The following MICU3 variants were observed in gnomAD, a reference collection of about 807,000 sequenced individuals.
The protein encoded by MICU3 is mitochondrial calcium uptake 3.
A neutral mutation model predicts 66.5 loss-of-function variants in MICU3; 62 were observed. The ratio of observed to expected loss-of-function variants is 0.93; its 90% CI spans 0.76 to 1.15. The LOEUF is 1.15. MICU3 is among the 50% of genes most tolerant of loss of function. The probability of loss-of-function intolerance (pLI) is 0.00; values close to 1 mark genes in which losing one functional copy is unlikely to be tolerated. For missense variants in MICU3, 779 were observed against 664.4 expected (o/e 1.17, Z -1.90); for synonymous variants, 308 against 240.7 (o/e 1.28, Z -2.59).
At chr8:17,081,631 A>G (rs1314836311) in intron 4 of MICU3, 62 bp from the exon 5 acceptor site, 1 of 453,954 alleles carries the variant, frequency 2.2e-6, no homozygotes, top group Admixed American at 4.6e-5. Context: ...CTCATTATTT[A>G]TAGCATTTAT....
At chr8:17,044,150 G>A (rs192396903) in intron 1 of MICU3, among the ~76,000 whole-genome samples, 3 of 152,284 alleles carry the variant, frequency 2.0e-5, no homozygotes, top group Admixed American at 6.5e-5. Flanking sequence ...TTGGAACATG[G>A]TTAAAGCCGT....
rs908392174 is a variant in MICU3 at position 17,122,478 on chromosome 8, A to G, written c.*2191A>G. On this transcript the variant is annotated 3_prime_UTR_variant, in exon 15 of 15. Coordinates refer to ENST00000318063, the MANE Select transcript of MICU3 (RefSeq NM_181723.3). ...AATTCATATTAAACTTTTTACAGAA[A>G]GCATACATGATAAACAGTTTATGGT... The G allele has an allele frequency of 6.6e-6, 1 of 151,936 alleles. No homozygotes were observed. The highest frequency in any genetic ancestry group is 1.5e-5 in the Non-Finnish European group (1 of 67,786). 9.4% of individuals were successfully genotyped at this position (151,936 alleles called of 1,614,324 possible).
intron 9 of MICU3, among the ~76,000 whole-genome samples, chr8:17,099,368 T>C (rs754368662): frequency 1.3e-5 from 2 of 151,838 alleles, no homozygotes; most frequent in African/African-American, 2.4e-5. Flanking sequence ...TTCTAAACTT[T>C]AAATTTAACT....
intron 11 of MICU3, among the ~76,000 whole-genome samples, chr8:17,112,254 G>T (rs1802273350): frequency 3.7e-4 from 57 of 152,288 alleles, no homozygotes; most frequent in Admixed American, 3.7e-3. Flanking sequence ...TACTCTCAGT[G>T]CATGTATTTT....
intron 11 of MICU3, among the ~76,000 whole-genome samples, chr8:17,112,704 C>T (rs1802314710): frequency 6.6e-6 from 1 of 152,110 alleles, no homozygotes; most frequent in South Asian, 2.1e-4. Flanking sequence ...CATGTCTGCC[C>T]CCCAATATAT....
chr8:17,029,769 C>T (rs1028572256), intron 1 of MICU3, among the ~76,000 whole-genome samples: 6 of 152,092 alleles, frequency 3.9e-5, no homozygotes, highest in Non-Finnish European at 7.3e-5. Context: ...AGAGGCCTTT[C>T]AATATGGAAA....
intron 2 of MICU3, among the ~76,000 whole-genome samples, chr8:17,065,087 G>A (rs1015423845): frequency 6.6e-6 from 1 of 152,110 alleles, no homozygotes; most frequent in African/African-American, 2.4e-5. Flanking sequence ...AGGATACAGT[G>A]TATTTTTTTA....
rs191407342 is a variant in MICU3, at chr8:17,100,400, T to C, written c.984+1847T>C. Among the ~76,000 whole-genome samples the C allele has an allele frequency of 1.3e-4, 19 of 151,798 alleles. 1 individual carries two copies. In the East Asian group the frequency reaches 3.7e-3, roughly 29 times the overall value. On this transcript the variant is annotated intron_variant, in intron 9 of 14. Transcript: ENST00000318063. Reference sequence around the variant, plus strand: ...ACTTATATCGTGTTCCAGAGTAAAATAATTACTTGGGGTTTATCTGTTACT... The same window carrying C: ...ACTTATATCGTGTTCCAGAGTAAAACAATTACTTGGGGTTTATCTGTTACT...
chr8:17,112,059 TG>T (rs35605699), intron 11 of MICU3, among the ~76,000 whole-genome samples: 14,085 of 152,094 alleles, frequency 0.093, 2,222 homozygotes, highest in African/African-American at 0.32. Context: ...GAGAACAGCA[TG>T]GGGTGAACTG....
Position 17,063,511 on chromosome 8 carries a change from A to G in MICU3, c.382-573A>G, listed in dbSNP as rs58967702. ...ATATTATCTACAAGGAAAGGTCTTG[A>G]AGGAAAAGAGACCCCTAAAATTCAG... is the stretch of plus-strand genomic sequence containing the variant. On this transcript the variant is annotated intron_variant, in intron 1 of 14. Coordinates refer to ENST00000318063, the MANE Select transcript of MICU3 (RefSeq NM_181723.3). 4.7e-3 allele frequency among the ~76,000 whole-genome samples: 710 copies of G among 152,262 alleles called. 7 individuals carry two copies. Among genetic ancestry groups the G allele is most frequent in the African/African-American group, 0.016 (660 of 41,554 alleles).
At chr8:17,092,315 C>G (rs1311688554) in intron 8 of MICU3, among the ~76,000 whole-genome samples, 2 of 151,774 alleles carry the variant, frequency 1.3e-5, no homozygotes, top group African/African-American at 4.8e-5. Context: ...AAATACGTCT[C>G]AGAATAACGT....
chr8:17,135,355 G>A, the MICU3 span, among the ~76,000 whole-genome samples: 17 of 151,144 alleles, frequency 1.1e-4, no homozygotes, highest in East Asian at 1.9e-4. Flanking sequence ...CTGAGATTGC[G>A]CCACTGCACT....
chr8:17,072,799 C>T (rs947272590), intron 3 of MICU3, among the ~76,000 whole-genome samples: 10 of 152,174 alleles, frequency 6.6e-5, no homozygotes, highest in Non-Finnish European at 1.5e-5. Context: ...TGACACCCGC[C>T]AGATGGTGAG....
At chr8:17,069,629 A>G (rs1180890229) in intron 2 of MICU3, 59 bp from the exon 3 acceptor site, 3 of 1,108,396 alleles carry the variant, frequency 2.7e-6, no homozygotes, top group Non-Finnish European at 2.6e-6. Context: ...GTTAGCAAAT[A>G]TGGATATATA....
At chr8:17,115,126 A>T (rs909484354) in intron 12 of MICU3, among the ~76,000 whole-genome samples, 1 of 152,094 alleles carries the variant, frequency 6.6e-6, no homozygotes, top group Non-Finnish European at 1.5e-5. Flanking sequence ...CTCAAAAAAA[A>T]AAAAAAAACC....
chr8:17,042,225 G>A (rs999404901), intron 1 of MICU3, among the ~76,000 whole-genome samples: 2 of 152,112 alleles, frequency 1.3e-5, no homozygotes, highest in East Asian at 3.9e-4. Context: ...CACAGCAAAT[G>A]CACCAAACTT....
At position 17,027,272 on chromosome 8, in the gene MICU3, C is replaced by T. The variant is rs369005531; in HGVS notation, c.-8C>T. ...CCCCTCCCAGCTCTGGTGTGGGCGG[C>T]CTCCGCTATGGCTGCGCTGCGAAGG... On this transcript the variant is annotated 5_prime_UTR_variant, in exon 1 of 15. Coordinates refer to ENST00000318063, the MANE Select transcript of MICU3 (RefSeq NM_181723.3). The T allele has an allele frequency of 1.6e-4, 188 of 1,176,242 alleles. 1 individual carries two copies. The highest frequency in any genetic ancestry group is 1.9e-4 in the Non-Finnish European group (182 of 939,040). The allele number at this position is 1,176,242 out of a possible 1,614,324, so 72.9% of individuals were successfully genotyped here. A position where few individuals can be genotyped will look rare whatever the true frequency, so the allele number is the denominator to read the frequency against.
At chr8:17,086,382 T>G (rs1799470652) in intron 6 of MICU3, among the ~76,000 whole-genome samples, 1 of 152,116 alleles carries the variant, frequency 6.6e-6, no homozygotes, top group Non-Finnish European at 1.5e-5. Flanking sequence ...ATCAGTAGGC[T>G]TAAACTCTCA....
intron 2 of MICU3, among the ~76,000 whole-genome samples, chr8:17,064,971 T>C (rs903004293): frequency 2.0e-5 from 3 of 152,100 alleles, no homozygotes; most frequent in Non-Finnish European, 4.4e-5. Context: ...AACCGAGGAT[T>C]TCTGGCTGGC....
Sources: allele counts gnomAD v4.1 joint callset (sites outside exome capture counted in the v4.1 genomes callset), GRCh38; gene constraint gnomAD v4.1.1; transcripts MANE v1.5; gene names NCBI Gene and HGNC (gene_info 2026-07-23, HGNC 2026-07-21).